PAPPA2: variants seen among roughly 807,000 people sequenced by gnomAD.
PAPPA2 encodes the protein pappalysin-2.
A neutral mutation model predicts 176.4 loss-of-function variants in PAPPA2; 86 were observed. The ratio of observed to expected loss-of-function variants is 0.49; its 90% confidence interval spans 0.41 to 0.58. The LOEUF (loss-of-function observed/expected upper bound fraction) is 0.58, where lower values mean the gene tolerates loss of function less well. Among genes scored for constraint, PAPPA2 ranks in the 20% least tolerant of loss-of-function variants. The pLI is 0.00. For synonymous variants in PAPPA2, 809 were observed against 852.2 expected, an observed-to-expected ratio of 0.95 and a Z score of 0.88; for missense variants, 2,073 against 2,256.9, an observed-to-expected ratio of 0.92 and a Z score of 1.65.
At chr1:176,700,194 C>T (rs540260493) in intron 8 of PAPPA2, among the ~76,000 whole-genome samples, 3 of 152,226 alleles carry the variant, frequency 2.0e-5, no homozygotes, top group Non-Finnish European at 4.4e-5. Context: ...CTACTATGTT[C>T]CTGGCACTGC....
In PAPPA2 at chr1:176,670,964, C is replaced by G; in HGVS notation, c.1992-6C>G. The G allele has an allele frequency of 1.9e-6, 3 of 1,613,586 alleles. No individual in the cohort carries two copies. Among genetic ancestry groups the G allele is most frequent in the Non-Finnish European group, 1.7e-6 (2 of 1,179,714 alleles). On this transcript the variant is annotated splice_polypyrimidine_tract_variant and splice_region_variant and intron_variant, in intron 3 of 22. Transcript: ENST00000367662. ...GTGACATTTTTTCATCTTGCATGCT[C>G]TCTAGGGCATACATGAGTGTGAAGG...
At chr1:176,566,953 GA>G (rs2102606846) in intron 2 of PAPPA2, among the ~76,000 whole-genome samples, 1 of 152,228 alleles carries the variant, frequency 6.6e-6, no homozygotes, top group East Asian at 1.9e-4. Flanking sequence ...TTCAGTTCCT[GA>G]TGTCATAAAC....
At chr1:176,468,620 ACAGGGCCCTCT>A (rs977309473) in intron 1 of PAPPA2, among the ~76,000 whole-genome samples, 4 of 152,168 alleles carry the variant, frequency 2.6e-5, no homozygotes, top group African/African-American at 9.6e-5. Flanking sequence ...CATCTTCTGC[ACAGGGCCCTCT>A]CTGTGTACCC....
At chr1:176,584,292 A>C (rs914292190) in intron 2 of PAPPA2, among the ~76,000 whole-genome samples, 1 of 152,040 alleles carries the variant, frequency 6.6e-6, no homozygotes, top group African/African-American at 2.4e-5. Context: ...AGATCTGATA[A>C]TATTTGCTTT....
chr1:176,569,810 G>A (rs1360419660), intron 2 of PAPPA2, among the ~76,000 whole-genome samples: 1 of 152,156 alleles, frequency 6.6e-6, no homozygotes, highest in African/African-American at 2.4e-5. Flanking sequence ...TTGGAAGTAG[G>A]CACATGAAAA....
At chr1:176,519,267 G>C (rs1328840058) in intron 1 of PAPPA2, among the ~76,000 whole-genome samples, 1 of 152,162 alleles carries the variant, frequency 6.6e-6, no homozygotes, top group Non-Finnish European at 1.5e-5. Context: ...AAGTGCAGTA[G>C]TAGTAGTGTG....
chr1:176,735,658 T>C (rs2102868152), intron 12 of PAPPA2, among the ~76,000 whole-genome samples: 1 of 152,166 alleles, frequency 6.6e-6, no homozygotes, highest in South Asian at 2.1e-4. Context: ...TGTGTGAGAC[T>C]GGCTTTCCCA....
At chr1:176,787,085 GA>G (rs760917217) in intron 17 of PAPPA2, among the ~76,000 whole-genome samples, 2 of 150,470 alleles carry the variant, frequency 1.3e-5, no homozygotes, top group South Asian at 2.1e-4. Context: ...AAGTTGGAAA[GA>G]AAAAAAAAGT....
Position 176,588,147 on chromosome 1 carries a change from CTAAG to C in PAPPA2, c.920-6374_920-6371del, listed in dbSNP as rs1653438513. Among the ~76,000 whole-genome samples, 5 of 152,204 alleles carry C rather than the reference CTAAG, an allele frequency of 3.3e-5. No homozygotes were observed. In the South Asian group the frequency reaches 1.0e-3, roughly 32 times the overall value. On this transcript the variant is annotated intron_variant, in intron 2 of 22. Coordinates refer to ENST00000367662, the MANE Select transcript of PAPPA2 (RefSeq NM_020318.3). ...TTCATATCACTTGTTGGCTGTATTCCTAAGTATTTTATTCTCTTTGTAGTGATTG... is the reference window on the plus strand; with the variant it reads ...TTCATATCACTTGTTGGCTGTATTCCTATTTTATTCTCTTTGTAGTGATTG...
At position 176,758,754 on chromosome 1, in the gene PAPPA2, C is replaced by T. The variant is rs530115274; in HGVS notation, c.4152-6912C>T. 1.2e-4 allele frequency among the ~76,000 whole-genome samples: 18 copies of T among 152,250 alleles called. No homozygotes were observed. In the South Asian group the frequency reaches 1.7e-3, roughly 14 times the overall value. ...GAACAACTGAAAAGTTGGGACATTA[C>T]GCTAAAAAAATATACTGAGCAAGAA... On this transcript the variant is annotated intron_variant, in intron 14 of 22. Coordinates refer to ENST00000367662, the MANE Select transcript of PAPPA2 (RefSeq NM_020318.3).
chr1:176,482,828 C>A (rs1016717832), intron 1 of PAPPA2, among the ~76,000 whole-genome samples: 1 of 152,122 alleles, frequency 6.6e-6, no homozygotes, highest in Non-Finnish European at 1.5e-5. Context: ...GCTCATCATC[C>A]CTGAACTGAT....
chr1:176,776,237 G>A (rs1319617680), intron 17 of PAPPA2, among the ~76,000 whole-genome samples: 1 of 152,032 alleles, frequency 6.6e-6, no homozygotes, highest in Non-Finnish European at 1.5e-5. Context: ...TTATCTTTGT[G>A]TGAAGGTTAG....
Position 176,556,956 on chromosome 1 carries a change from G to A in PAPPA2, c.634G>A (p.Asp212Asn). ...GAGGCGGGCGGAAGATGGGCAGGGA[G>A]ACTCCGGTATCTCTTCACATTTCCA... ...WKRRAEDGQG[D>N]SGISSHFQPW... The change falls in exon 2 of 23, where the codon GAC (aspartate) becomes AAC (asparagine). Residue 212 changes from aspartate (D) to asparagine (N), a missense_variant. This residue lies in a region of PAPPA2 where 1,196 missense variants were observed against 1,330.4 expected (regional missense o/e 0.90). Transcript: ENST00000367662. The A allele has an allele frequency of 6.2e-7, 1 of 1,614,120 alleles. No homozygotes were observed. Among genetic ancestry groups the A allele is most frequent in the Non-Finnish European group, 8.5e-7 (1 of 1,180,026 alleles).
At chr1:176,482,441 G>A (rs113085021) in intron 1 of PAPPA2, among the ~76,000 whole-genome samples, 278 of 152,246 alleles carry the variant, frequency 1.8e-3, no homozygotes, top group African/African-American at 6.4e-3. Flanking sequence ...TTCTATAGTC[G>A]CTAATTGAAC....
chr1:176,672,087 TAAA>T (rs60355465), intron 4 of PAPPA2, among the ~76,000 whole-genome samples: 1 of 150,398 alleles, frequency 6.6e-6, no homozygotes, highest in African/African-American at 2.4e-5. Flanking sequence ...AAATAAAAAA[TAAA>T]AAAAAGAAAG....
intron 17 of PAPPA2, among the ~76,000 whole-genome samples, chr1:176,778,310 G>A (rs1037696223): frequency 6.6e-6 from 1 of 152,022 alleles, no homozygotes; most frequent in African/African-American, 2.4e-5. Context: ...GGGAAAGAGG[G>A]GGAAAAAGAA....
At chr1:176,494,569 A>G (rs1183396853) in intron 1 of PAPPA2, among the ~76,000 whole-genome samples, 3 of 152,216 alleles carry the variant, frequency 2.0e-5, no homozygotes, top group Admixed American at 2.0e-4. Context: ...GCCTCCTGTT[A>G]CATGAGCACA....
At chr1:176,649,686 A>G (rs955093065) in intron 3 of PAPPA2, among the ~76,000 whole-genome samples, 1 of 151,564 alleles carries the variant, frequency 6.6e-6, no homozygotes, top group African/African-American at 2.4e-5. Context: ...CATGTTGTTT[A>G]ATTTCCGTGT....
intron 12 of PAPPA2, among the ~76,000 whole-genome samples, chr1:176,720,949 A>G (rs2102849042): frequency 6.6e-6 from 1 of 152,304 alleles, no homozygotes; most frequent in Middle Eastern, 3.4e-3. Flanking sequence ...TGGAAGAGGA[A>G]GAAAGAAAAG....
Sources: allele counts gnomAD v4.1 joint callset (sites outside exome capture counted in the v4.1 genomes callset), GRCh38; gene constraint gnomAD v4.1.1; regional missense constraint gnomAD v4.1.1; transcripts MANE v1.5; gene names NCBI Gene and HGNC (gene_info 2026-07-23, HGNC 2026-07-21).